PHIP: variants seen among roughly 807,000 people sequenced by gnomAD.
PHIP encodes PHIP subunit of CUL4-Ring ligase complex.
PHIP carries 54 observed loss-of-function variants against 236.8 expected under a neutral mutation model. The observed-to-expected ratio is 0.23, with a 90% CI of 0.18 to 0.29. The LOEUF (loss-of-function observed/expected upper bound fraction) is 0.29, where lower values mean the gene tolerates loss of function less well. PHIP is among the 10% of genes least tolerant of loss of function. The pLI, the probability that PHIP is intolerant of heterozygous loss-of-function variation, is 1.00. For synonymous variants in PHIP, 756 were observed against 718.9 expected, an observed-to-expected ratio of 1.05 and a Z score of -0.83; for missense variants, 1,370 against 2,190.8, an observed-to-expected ratio of 0.63 and a Z score of 7.48.
At chr6:78,980,573 G>A (rs1572584) in intron 23 of PHIP, among the ~76,000 whole-genome samples, 69,083 of 151,748 alleles carry the variant, frequency 0.46, 16,304 homozygotes, top group East Asian at 0.69. Flanking sequence ...CGGGTTTGAG[G>A]AAAAAGCTTG....
Position 78,941,304 on chromosome 6 carries a change from G to T in PHIP, c.4855C>A (p.Pro1619Thr). The T allele has an allele frequency of 6.2e-7, 1 of 1,613,038 alleles. No individual in the cohort carries two copies. The highest frequency in any genetic ancestry group is 1.1e-5 in the South Asian group (1 of 91,040). The change falls in exon 40 of 40, where the codon CCA (proline) becomes ACA (threonine). Residue 1619 changes from proline (P) to threonine (T), a missense_variant. Physicochemically the swap from Pro to Thr is conservative, Grantham distance 38 (BLOSUM62 -1). Around this residue, in one of 14 missense-constraint regions of PHIP, gnomAD observed 309 missense variants for 328.3 expected, o/e 0.94. Coordinates refer to ENST00000275034, the MANE Select transcript of PHIP (RefSeq NM_017934.7). Reference protein sequence around the residue: ...QGDCKNNALVPGTIQVNGHGG... With the variant: ...QGDCKNNALVTGTIQVNGHGG... ...TGGCCATTTACTTGAATGGTTCCTG[G>T]TACAAGAGCGTTGTTCTTACAATCT...
chr6:78,966,050 C>T lies in PHIP; in HGVS notation c.3212G>A (p.Arg1071His), dbSNP rs1767102576. 3.7e-6 allele frequency: 6 copies of T among 1,608,204 alleles called. No individual in the cohort carries two copies. The highest frequency in any genetic ancestry group is 4.3e-6 in the Non-Finnish European group (5 of 1,174,978). Residue 1071 changes from arginine to histidine, a missense_variant, in exon 28 of 40, where the codon CGC becomes CAC. By Grantham distance (29) the Arg-to-His change is conservative. Transcript: ENST00000275034. ...AKYRRWNIGD[R>H]FRSVIDDAWW... ...GGCATCATCTATGACAGACCTGAAGCGGTCACCTGGCCAAGAACAAAAACT... is the reference window on the plus strand; with the variant it reads ...GGCATCATCTATGACAGACCTGAAGTGGTCACCTGGCCAAGAACAAAAACT...
chr6:79,017,289 A>G, intron 12 of PHIP, 57 bp downstream of exon 12: 3 of 1,049,688 alleles, frequency 2.9e-6, no homozygotes, highest in Non-Finnish European at 4.2e-6. Context: ...TCTGATGACT[A>G]AAATTGTCTT....
At chr6:78,969,951 CATACCTAAAA>C (rs1767414476) in intron 26 of PHIP, 34 bp from the exon 27 acceptor site, 2 of 1,556,200 alleles carry the variant, frequency 1.3e-6, no homozygotes, top group African/African-American at 2.7e-5. Flanking sequence ...GATTAGGTCA[CATACCTAAAA>C]ATACCTAAAA....
chr6:79,073,145 A>T (rs999133609), intron 4 of PHIP, among the ~76,000 whole-genome samples: 1 of 152,200 alleles, frequency 6.6e-6, no homozygotes, highest in Admixed American at 6.5e-5. Context: ...CTATTTAAGA[A>T]TATTAACAAT....
At chr6:78,973,763 T>A (rs1236952886) in intron 24 of PHIP, among the ~76,000 whole-genome samples, 1 of 151,454 alleles carries the variant, frequency 6.6e-6, no homozygotes, top group African/African-American at 2.4e-5. Context: ...CCAACAAAGA[T>A]CAAAAGAGAC....
rs1193612579 is a variant in PHIP at position 79,005,186 on chromosome 6, AG to A, written c.1525-1329del. On this transcript the variant is annotated intron_variant, in intron 15 of 39. Coordinates refer to ENST00000275034, the MANE Select transcript of PHIP (RefSeq NM_017934.7). ...ATATACACAAAAACTTAGAAAAGAA[AG>A]GAAATGAATCATAAGTGAAACAGGA... Among the ~76,000 whole-genome samples, 11 of 152,208 alleles carry A rather than the reference AG, an allele frequency of 7.2e-5. No homozygotes were observed. In the East Asian group the frequency reaches 2.1e-3, roughly 29 times the overall value.
intron 4 of PHIP, among the ~76,000 whole-genome samples, chr6:79,076,216 C>T (rs111504814): frequency 6.6e-6 from 1 of 152,150 alleles, no homozygotes; most frequent in African/African-American, 2.4e-5. Context: ...ACACTACATA[C>T]CAAAAAAAGC....
intron 15 of PHIP, 97 bp downstream of exon 15, chr6:79,014,985 C>A: frequency 1.2e-5 from 11 of 941,302 alleles, no homozygotes; most frequent in Admixed American, 2.4e-5. Context: ...AATAATGAAC[C>A]AATTTTTAAA....
intron 9 of PHIP, among the ~76,000 whole-genome samples, chr6:79,024,827 A>AAATC (rs1771311893): frequency 6.6e-6 from 1 of 152,086 alleles, no homozygotes; most frequent in Non-Finnish European, 1.5e-5. Flanking sequence ...ATAAATAAAT[A>AAATC]AATAAAAGAT....
chr6:78,952,831 T>C (rs182778758), intron 35 of PHIP, among the ~76,000 whole-genome samples: 1 of 147,538 alleles, frequency 6.8e-6, no homozygotes, highest in Non-Finnish European at 1.5e-5. Flanking sequence ...ACCAAAACTA[T>C]CTATCAAAGT....
At chr6:79,063,017 GTTCTTAATATATTT>G (rs756976206) in intron 4 of PHIP, among the ~76,000 whole-genome samples, 25 of 152,100 alleles carry the variant, frequency 1.6e-4, no homozygotes, top group Non-Finnish European at 3.2e-4. Context: ...CATATTAATT[GTTCTTAATATATTT>G]TGATACTTAG....
Position 78,955,196 on chromosome 6 carries a change from T to C in PHIP, c.3903+36A>G, listed in dbSNP as rs1417162588. The C allele has an allele frequency of 5.6e-6, 8 of 1,432,668 alleles. No individual in the cohort carries two copies. The African/African-American group carries it at 7.1e-5, about 13-fold the overall frequency. 88.7% of individuals were successfully genotyped at this position (1,432,668 alleles called of 1,614,324 possible). A position where few individuals can be genotyped will look rare whatever the true frequency, so the allele number is the denominator to read the frequency against. The stretch of plus-strand genomic sequence containing the variant: ...AAAGCTCTTAATACATTTTAATTCA[T>C]ATAAAGTACTTCTGCTAAAACTAAA... On this transcript the variant is annotated intron_variant, in intron 34 of 39. Coordinates refer to ENST00000275034, the MANE Select transcript of PHIP (RefSeq NM_017934.7).
At chr6:79,046,270 C>T (rs990757597) in intron 6 of PHIP, among the ~76,000 whole-genome samples, 1 of 152,084 alleles carries the variant, frequency 6.6e-6, no homozygotes, top group African/African-American at 2.4e-5. Flanking sequence ...TCCCTTATAC[C>T]TTTTCAAGTC....
rs148030786 is a variant in PHIP at position 78,991,121 on chromosome 6, A to G, written c.2202-136T>C. 650 of 612,238 alleles carry G rather than the reference A, an allele frequency of 1.1e-3. 10 individuals are homozygous for G. Among genetic ancestry groups the G allele is most frequent in the South Asian group, 6.5e-3 (311 of 47,816 alleles). The allele number at this position is 612,238 out of a possible 1,614,324, so 37.9% of individuals were successfully genotyped here. A position where few individuals can be genotyped will look rare whatever the true frequency, so the allele number is the denominator to read the frequency against. On this transcript the variant is annotated intron_variant, in intron 19 of 39. Transcript: ENST00000275034. ...ATGGAAGCATGTGATAAAGATTTCT[A>G]AGTTTAATTTCATAGGTTGTGGGCT...
At position 78,946,053 on chromosome 6, in the gene PHIP, A is replaced by G. The variant is rs1273511511; in HGVS notation, c.4578T>C (p.Ala1526=). Residue 1526 remains alanine (A), a synonymous_variant, in exon 38 of 40, where the codon GCT becomes GCC. Coordinates refer to ENST00000275034, the MANE Select transcript of PHIP (RefSeq NM_017934.7). ...TAGCTTTTGTAATAAAAGTCTTTGCAGCTGAAGAAGTAGATGGTTGCTCAG... is the reference window on the plus strand; with the variant it reads ...TAGCTTTTGTAATAAAAGTCTTTGCGGCTGAAGAAGTAGATGGTTGCTCAG... ...VVTEQPSTSS[A]AKTFITKANA... The G allele has an allele frequency of 1.2e-6, 2 of 1,612,718 alleles. No individual in the cohort carries two copies. The highest frequency in any genetic ancestry group is 1.1e-5 in the South Asian group (1 of 91,054).
chr6:79,042,822 A>G, intron 7 of PHIP, 21 bp downstream of exon 7: 1 of 1,539,618 alleles, frequency 6.5e-7, no homozygotes, highest in Non-Finnish European at 8.8e-7. Flanking sequence ...GAATATAAAT[A>G]ATACTTTAGC....
At position 78,963,188 on chromosome 6, in the gene PHIP, G is replaced by A; in HGVS notation, c.3444C>T (p.Ile1148=). The A allele has an allele frequency of 1.2e-6, 2 of 1,611,028 alleles. No individual in the cohort carries two copies. The highest frequency in any genetic ancestry group is 1.7e-6 in the Non-Finnish European group (2 of 1,178,438). ...CCCATTCTCCATCAAGAGGTTTATA[G>A]ATTAGTGATCTGCACTCACCATCAG... ...PLTDGECRSL[I]YKPLDGEWGT... Residue 1148 remains isoleucine (I), a synonymous_variant, in exon 30 of 40, where the codon ATC becomes ATT. Transcript: ENST00000275034.
chr6:79,042,980 G>A lies in PHIP; in HGVS notation c.463C>T (p.Leu155=). The part of the protein sequence containing the change: ...SIADTLFSRK[L]NGKYRLERLV... ...CGCTCAAGTCTGTATTTCCCATTCA[G>A]CTTCCTTGAAAACAGAGTATCCGCT... The change falls in exon 7 of 40, where the codon CTG becomes TTG. Residue 155 remains leucine, a synonymous_variant. Coordinates refer to ENST00000275034, the MANE Select transcript of PHIP (RefSeq NM_017934.7). The A allele has an allele frequency of 6.2e-7, 1 of 1,608,958 alleles. No homozygotes were observed. Among genetic ancestry groups the A allele is most frequent in the Non-Finnish European group, 8.5e-7 (1 of 1,177,990 alleles).
Sources: gnomAD v4.1 joint callset for allele counts (sites outside exome capture counted in the v4.1 genomes callset) on GRCh38, gnomAD v4.1.1 for gene constraint, gnomAD v4.1.1 regional missense constraint, MANE v1.5 for transcripts, NCBI Gene and HGNC (gene_info 2026-07-23, HGNC 2026-07-21) for gene names.